The following TBC1D8 variants were observed in gnomAD, a reference collection of about 807,000 sequenced individuals.
TBC1D8 encodes the protein BUB2-like protein 1.
A neutral mutation model predicts 118.8 loss-of-function variants in TBC1D8; 65 were observed. The observed-to-expected ratio is 0.55, with a 90% CI of 0.45 to 0.67. The LOEUF (loss-of-function observed/expected upper bound fraction) is 0.67. Ranked by LOEUF, TBC1D8 falls within the 30% of genes least tolerant of loss-of-function variation. The probability of loss-of-function intolerance (pLI) is 0.00; values close to 1 mark genes in which losing one functional copy is unlikely to be tolerated. For missense variants in TBC1D8, 1,376 were observed against 1,471.2 expected, an observed-to-expected ratio of 0.94 and a Z score of 1.06; for synonymous variants, 566 against 595.8, an observed-to-expected ratio of 0.95 and a Z score of 0.73.
intron 2 of TBC1D8, among the ~76,000 whole-genome samples, chr2:101,086,478 C>T (rs1452037563): frequency 6.6e-6 from 1 of 152,040 alleles, no homozygotes. Flanking sequence ...ACACACTATG[C>T]TCACAGTAGT....
chr2:101,059,658 T>C lies in TBC1D8; in HGVS notation c.284-119A>G, dbSNP rs1682648043. 3 of 870,780 alleles carry C rather than the reference T, an allele frequency of 3.4e-6. No homozygotes were observed. The African/African-American group carries it at 5.1e-5, about 15-fold the overall frequency. The allele number at this position is 870,780 out of a possible 1,614,324, so 53.9% of individuals were successfully genotyped here. ...ATGTTGATGTTAAAACATCTGGCCT[T>C]GGCCAGGCGCAGTGGCTCACGCCTG... On this transcript the variant is annotated intron_variant, in intron 2 of 19. Transcript: ENST00000409318.
chr2:101,027,591 CAT>C (rs912387956), intron 14 of TBC1D8, 140 bp from the exon 15 acceptor site: 7 of 702,092 alleles, frequency 1.0e-5, no homozygotes, highest in African/African-American at 8.9e-5. Context: ...TCTTTTCTGA[CAT>C]AAAGATCACT....
intron 5 of TBC1D8, among the ~76,000 whole-genome samples, chr2:101,041,589 T>G (rs1681387658): frequency 6.6e-6 from 1 of 152,108 alleles, no homozygotes; most frequent in Non-Finnish European, 1.5e-5. Context: ...TTTTTCTTTT[T>G]GGGGTGATGA....
At chr2:101,011,626 G>C in intron 17 of TBC1D8, 86 bp from the exon 18 acceptor site, 1 of 1,403,244 alleles carries the variant, frequency 7.1e-7, no homozygotes, top group Non-Finnish European at 1.0e-6. Context: ...GCAACTAAAG[G>C]CTAAGCCAGC....
At chr2:101,092,284 T>A (rs1247190471) in intron 1 of TBC1D8, among the ~76,000 whole-genome samples, 1 of 152,192 alleles carries the variant, frequency 6.6e-6, no homozygotes, top group East Asian at 1.9e-4. Flanking sequence ...AGGTTATATA[T>A]TTTCGGCAAG....
At chr2:101,095,357 C>T (rs939443494) in intron 1 of TBC1D8, among the ~76,000 whole-genome samples, 14 of 150,252 alleles carry the variant, frequency 9.3e-5, no homozygotes, top group Admixed American at 2.7e-4. Context: ...CCCATTAACT[C>T]GTCATTTAGC....
intron 17 of TBC1D8, among the ~76,000 whole-genome samples, chr2:101,020,161 CCAT>C: frequency 1.0e-5 from 1 of 98,166 alleles, no homozygotes; most frequent in Admixed American, 1.1e-4. Flanking sequence ...TAAAAATATA[CCAT>C]GGTGAAATTC....
chr2:101,008,063 C>CA lies in TBC1D8; in HGVS notation c.3225dup (p.Ala1076CysfsTer26). ...TCCTGGGGCGTCTTCCCAGTGTCTGCAAAAACCGAGTCCTCAGGAGAAGGA... is the reference window on the plus strand; with the variant it reads ...TCCTGGGGCGTCTTCCCAGTGTCTGCAAAAAACCGAGTCCTCAGGAGAAGGA... On this transcript the variant is annotated frameshift_variant, in exon 20 of 20. Transcript: ENST00000409318. LOFTEE classifies it low-confidence loss of function (END_TRUNC). 2 of 1,613,890 alleles carry CA rather than the reference C, an allele frequency of 1.2e-6. No individual in the cohort carries two copies. Among genetic ancestry groups the CA allele is most frequent in the Non-Finnish European group, 8.5e-7 (1 of 1,179,864 alleles).
intron 1 of TBC1D8, among the ~76,000 whole-genome samples, chr2:101,145,477 TG>T (rs1679283440): frequency 6.6e-6 from 1 of 152,230 alleles, no homozygotes; most frequent in Non-Finnish European, 1.5e-5. Flanking sequence ...CTTTCACTGT[TG>T]GAGGAGACAA....
chr2:101,017,832 A>G, intron 17 of TBC1D8: 1 of 1,550,244 alleles, frequency 6.5e-7, no homozygotes, highest in East Asian at 2.4e-5. Context: ...ACTAACAGTG[A>G]AGCAGCTACA....
chr2:101,014,657 G>C (rs1218602288), intron 17 of TBC1D8, among the ~76,000 whole-genome samples: 1 of 152,110 alleles, frequency 6.6e-6, no homozygotes, highest in Non-Finnish European at 1.5e-5. Flanking sequence ...TATTAGTTTG[G>C]TCCTTAGAGC....
rs1206467057 is a variant in TBC1D8, at chr2:101,054,088, G to A, written c.631+20C>T. The A allele has an allele frequency of 1.3e-6, 2 of 1,593,050 alleles. No homozygotes were observed. The highest frequency in any genetic ancestry group is 4.5e-5 in the East Asian group (2 of 44,190). On this transcript the variant is annotated intron_variant, in intron 4 of 19. Coordinates refer to ENST00000409318, the MANE Select transcript of TBC1D8 (RefSeq NM_001330348.2). The stretch of plus-strand genomic sequence containing the variant: ...CTGGGGCCAACTTTATCTTGGAAGA[G>A]CCTGCCAGGCCTCACTTACGTTCCT...
intron 1 of TBC1D8, among the ~76,000 whole-genome samples, chr2:101,114,179 C>T (rs745421143): frequency 6.6e-6 from 1 of 152,182 alleles, no homozygotes; most frequent in Non-Finnish European, 1.5e-5. Flanking sequence ...CCCTTTACAA[C>T]CTTTGCTGTA....
At chr2:101,120,293 C>A (rs1678037303) in intron 1 of TBC1D8, among the ~76,000 whole-genome samples, 1 of 152,218 alleles carries the variant, frequency 6.6e-6, no homozygotes, top group Admixed American at 6.5e-5. Flanking sequence ...CGGTGCCCAC[C>A]CTTCCTGGTG....
intron 2 of TBC1D8, among the ~76,000 whole-genome samples, chr2:101,078,198 G>A (rs151021016): frequency 1.9e-4 from 29 of 152,286 alleles, no homozygotes; most frequent in African/African-American, 5.1e-4. Context: ...CCAGTCTTCC[G>A]TTCAGACAGC....
chr2:101,022,671 C>T (rs1680110614), intron 15 of TBC1D8, 150 bp from the exon 16 acceptor site: 10 of 1,208,684 alleles, frequency 8.3e-6, no homozygotes, highest in East Asian at 5.8e-5. Context: ...CATCCTTACC[C>T]ACATGAACAT....
chr2:101,101,939 G>C (rs1171294234), intron 1 of TBC1D8, among the ~76,000 whole-genome samples: 2 of 151,776 alleles, frequency 1.3e-5, no homozygotes, highest in Non-Finnish European at 2.9e-5. Context: ...TGGGTCAATA[G>C]GTACAGCAAA....
chr2:101,130,897 AAC>A (rs1380925123), intron 1 of TBC1D8, among the ~76,000 whole-genome samples: 2 of 152,180 alleles, frequency 1.3e-5, no homozygotes, highest in Non-Finnish European at 2.9e-5. Flanking sequence ...GCCCCAACCT[AAC>A]ACTGCAATAA....
Position 101,011,012 on chromosome 2 carries a change from A to G in TBC1D8, c.2932T>C (p.Tyr978His). 4 of 1,612,590 alleles carry G rather than the reference A, an allele frequency of 2.5e-6. No individual in the cohort carries two copies. Among genetic ancestry groups the G allele is most frequent in the Non-Finnish European group, 3.4e-6 (4 of 1,179,814 alleles). ...FGKPNGDAVD[Y>H]QKQLKQMIKD... is the part of the protein sequence containing the mutation. ...ATCATCTGCTTCAGCTGTTTCTGAT[A>G]ATCAACTGCATCACCTTGAAACAAA... The change falls in exon 19 of 20, where the codon TAT becomes CAT. Residue 978 changes from tyrosine to histidine, a missense_variant. Transcript: ENST00000409318.
Sources: allele counts gnomAD v4.1 joint callset (sites outside exome capture counted in the v4.1 genomes callset), GRCh38; gene constraint gnomAD v4.1.1; transcripts MANE v1.5; gene names NCBI Gene and HGNC (gene_info 2026-07-23, HGNC 2026-07-21).